Variants in GTF3C1 observed in about 807,000 individuals in gnomAD.
The protein encoded by GTF3C1 is general transcription factor 3C polypeptide 1.
In GTF3C1, 57 loss-of-function variants were observed where a neutral mutation model predicts 226.7. That is an observed-to-expected ratio of 0.25 (90% confidence interval 0.20 to 0.31). The LOEUF is 0.31. Among genes scored for constraint, GTF3C1 ranks in the 10% least tolerant of loss-of-function variants. The pLI, the probability that GTF3C1 is intolerant of heterozygous loss-of-function variation, is 1.00. For missense variants in GTF3C1, 2,217 were observed against 2,776.1 expected (o/e 0.80, Z 4.53); for synonymous variants, 1,090 against 1,084.8 (o/e 1.00, Z -0.09).
intron 11 of GTF3C1, among the ~76,000 whole-genome samples, chr16:27,501,706 C>A (rs1435076838): frequency 6.6e-6 from 1 of 152,200 alleles, no homozygotes; most frequent in Admixed American, 6.5e-5. Flanking sequence ...TCTGGTTTAT[C>A]ACTAGCCCCT....
rs781025231 is a variant in GTF3C1, at chr16:27,488,308, G to A, written c.3619C>T (p.Arg1207Trp). Residue 1207 changes from arginine (R) to tryptophan (W), a missense_variant, in exon 23 of 37, where the codon CGG becomes TGG. Arg to Trp is a moderately radical substitution (Grantham distance 101). Coordinates refer to ENST00000356183, the MANE Select transcript of GTF3C1 (RefSeq NM_001520.4). Reference sequence around the variant, plus strand: ...TGGCTTTTCCCACCCCTCACTCTCCGGTTTCGGTCCAGCGAGGGCTCTCGG... The same window carrying A: ...TGGCTTTTCCCACCCCTCACTCTCCAGTTTCGGTCCAGCGAGGGCTCTCGG... ...VDREPSLDRN[R>W]RVRGGKSQKR... The A allele has an allele frequency of 3.7e-5, 59 of 1,614,018 alleles. 1 individual carries two copies. The Admixed American group carries it at 7.3e-4, about 20-fold the overall frequency.
Position 27,470,139 on chromosome 16 carries a change from T to C in GTF3C1, c.4783A>G (p.Ser1595Gly). 1.2e-6 allele frequency: 2 copies of C among 1,614,058 alleles called. No homozygotes were observed. The highest frequency in any genetic ancestry group is 2.2e-5 in the South Asian group (2 of 91,070). Residue 1595 changes from serine to glycine, a missense_variant, in exon 31 of 37, where the codon AGC becomes GGC. By Grantham distance (56) the Ser-to-Gly change is moderately conservative. This residue lies in a region of GTF3C1 where 546 missense variants were observed against 663.0 expected (regional missense o/e 0.82). Transcript: ENST00000356183. The surrounding 1 kb of genome is among the most constrained non-coding windows in gnomAD (Gnocchi z 4.9). Reference protein sequence around the residue: ...RIPEQIIVVDSSMVENEVIKS... With the variant: ...RIPEQIIVVDGSMVENEVIKS... ...ATGACCTCATTCTCCACCATTGAGCTGTCTACCACGATGATCTGCTCCGGG... is the reference window on the plus strand; with the variant it reads ...ATGACCTCATTCTCCACCATTGAGCCGTCTACCACGATGATCTGCTCCGGG...
At position 27,491,093 on chromosome 16, in the gene GTF3C1, G is replaced by T. The variant is rs1300398071; in HGVS notation, c.3151+1245C>A. Among the ~76,000 whole-genome samples the T allele has an allele frequency of 2.6e-5, 4 of 152,214 alleles. No individual in the cohort carries two copies. The East Asian group carries it at 7.7e-4, about 29-fold the overall frequency. On this transcript the variant is annotated intron_variant, in intron 19 of 36. Transcript: ENST00000356183. ...ACTGCTGAATGCCAGAGGATTCTAT[G>T]AAACACACTGTTCTAAAATACGTCT...
rs528675446 is a variant in GTF3C1, at chr16:27,470,825, C to T, written c.4527-430G>A. On this transcript the variant is annotated intron_variant, in intron 30 of 36. Transcript: ENST00000356183. This position sits in a 1 kb window ranked among gnomAD's most constrained non-coding sequence, Gnocchi z 4.9. ...CGCAGTGCCTGGTGAGTCACTTCCC[C>T]GGCTCTGTCCAGAGAGCAACATTCC... 1.2e-3 allele frequency: 243 copies of T among 195,912 alleles called. 1 individual carries two copies. The highest frequency in any genetic ancestry group is 1.9e-3 in the Non-Finnish European group (180 of 93,786). 12.1% of individuals were successfully genotyped at this position (195,912 alleles called of 1,614,324 possible).
chr16:27,537,628 G>T (rs1433056328), intron 4 of GTF3C1, among the ~76,000 whole-genome samples, 156 bp downstream of exon 4: 1 of 152,040 alleles, frequency 6.6e-6, no homozygotes, highest in African/African-American at 2.4e-5. Context: ...GGCTGGTCTG[G>T]AACTCTTGGC....
In GTF3C1 at chr16:27,498,662, G is replaced by C. The variant is rs2088357440; in HGVS notation, c.2133C>G (p.Arg711=). ...PLVRSAIEQV[R]FRISNSSTAN... is the part of the protein sequence containing the mutation. Reference sequence around the variant, plus strand: ...CTGTGCTTGAATTGGAGATCCGGAAGCGGACCTGCTCGATGGCACTTCTCA... The same window carrying C: ...CTGTGCTTGAATTGGAGATCCGGAACCGGACCTGCTCGATGGCACTTCTCA... Residue 711 remains arginine, a synonymous_variant, in exon 13 of 37, where the codon CGC becomes CGG. Transcript: ENST00000356183. 1 of 1,603,488 alleles carries C rather than the reference G, an allele frequency of 6.2e-7. No homozygotes were observed.
intron 27 of GTF3C1, 76 bp downstream of exon 27, chr16:27,481,003 C>T: frequency 8.1e-7 from 1 of 1,229,488 alleles, no homozygotes; most frequent in Non-Finnish European, 1.2e-6. Flanking sequence ...CCCGGACCTG[C>T]TGATAAGGGA....
rs1484853378 is a variant in GTF3C1, at chr16:27,464,480, C to A, written c.5712G>T (p.Gly1904=). The stretch of plus-strand genomic sequence containing the variant: ...GTGGAGATGGGGCCTGGGCTTCTGC[C>A]CCATCTTCAGCTCCGGGCCCAAGGC... ...APSLGPGAED[G]AEAQAPSPPP... Residue 1904 remains glycine, a synonymous_variant, in exon 34 of 37, where the codon GGG becomes GGT. Transcript: ENST00000356183. 2.6e-6 allele frequency: 4 copies of A among 1,558,134 alleles called. No individual in the cohort carries two copies. The highest frequency in any genetic ancestry group is 3.5e-6 in the Non-Finnish European group (4 of 1,156,070).
chr16:27,488,451 G>A lies in GTF3C1; in HGVS notation c.3512-36C>T, dbSNP rs775214614. ...TCACAGGAGACAACAGTTTCAGGAC[G>A]AGTGCTGCAAAGGCCAGGAAGACCA... On this transcript the variant is annotated intron_variant, in intron 22 of 36. Transcript: ENST00000356183. The A allele has an allele frequency of 5.1e-6, 8 of 1,574,386 alleles. No homozygotes were observed. The South Asian group carries it at 5.5e-5, about 11-fold the overall frequency.
chr16:27,463,822 C>G lies in GTF3C1; in HGVS notation c.5873-230G>C. ...ATGCAAGCAGCGTCCCAGGCCCGGA[C>G]AAGCCCCACATTGCAGGAAGCCAGC... On this transcript the variant is annotated intron_variant, in intron 34 of 36. Transcript: ENST00000356183. The surrounding 1 kb of genome is among the most constrained non-coding windows in gnomAD (Gnocchi z 4.9). 2 of 550,586 alleles carry G rather than the reference C, an allele frequency of 3.6e-6. No homozygotes were observed. The highest frequency in any genetic ancestry group is 4.7e-5 in the South Asian group (2 of 42,502). The allele number at this position is 550,586 out of a possible 1,614,324, so 34.1% of individuals were successfully genotyped here.
intron 11 of GTF3C1, among the ~76,000 whole-genome samples, chr16:27,502,026 C>CA (rs1390014777): frequency 6.6e-6 from 1 of 151,494 alleles, no homozygotes; most frequent in Non-Finnish European, 1.5e-5. Flanking sequence ...ACCCAGGAGG[C>CA]AGACGTTGCA....
chr16:27,511,931 A>G (rs77066366), intron 6 of GTF3C1, 30 bp from the exon 7 acceptor site: 2 of 1,612,376 alleles, frequency 1.2e-6, no homozygotes, highest in African/African-American at 2.7e-5. Context: ...TTTGCCAGCA[A>G]TGAGTGAAAG....
Position 27,538,224 on chromosome 16 carries a change from C to T in GTF3C1, c.564G>A (p.Arg188=), listed in dbSNP as rs754676670. The change falls in exon 3 of 37, where the codon AGG becomes AGA. Residue 188 remains arginine, a synonymous_variant. Coordinates refer to ENST00000356183, the MANE Select transcript of GTF3C1 (RefSeq NM_001520.4). ...GGTCTCGCTGGAGCTCCCCTTGCCA[C>T]CTGGACCGGCCTAGCCGTTCCAGGA... The part of the protein sequence containing the change: ...YCILERLGRS[R]WQGELQRDLH... The T allele has an allele frequency of 6.2e-7, 1 of 1,600,702 alleles. No homozygotes were observed. Among genetic ancestry groups the T allele is most frequent in the African/African-American group, 1.4e-5 (1 of 74,042 alleles).
intron 21 of GTF3C1, 126 bp downstream of exon 21, chr16:27,488,917 T>A: frequency 1.1e-6 from 1 of 872,538 alleles, no homozygotes; most frequent in Non-Finnish European, 1.9e-6. Context: ...GGCACACATT[T>A]AAGGGGCCTG....
intron 19 of GTF3C1, among the ~76,000 whole-genome samples, chr16:27,490,700 C>G (rs910080314): frequency 6.6e-6 from 1 of 152,214 alleles, no homozygotes; most frequent in Non-Finnish European, 1.5e-5. Flanking sequence ...AAAATGCAGA[C>G]TCTCCAGGTA....
chr16:27,487,550 A>G (rs974351285), intron 23 of GTF3C1, among the ~76,000 whole-genome samples: 12 of 152,238 alleles, frequency 7.9e-5, no homozygotes, highest in African/African-American at 2.9e-4. Flanking sequence ...TTAAAAATGC[A>G]ACATGGGACC....
rs1307932608 is a variant in GTF3C1, at chr16:27,488,556, C to T, written c.3509G>A (p.Arg1170Lys). 1 of 1,613,434 alleles carries T rather than the reference C, an allele frequency of 6.2e-7. No homozygotes were observed. The highest frequency in any genetic ancestry group is 8.5e-7 in the Non-Finnish European group (1 of 1,179,336). Residue 1170 changes from arginine to lysine, a missense_variant and splice_region_variant, in exon 22 of 37, where the codon AGA becomes AAA. Arg to Lys is a conservative substitution (Grantham distance 26). Transcript: ENST00000356183. ...LSKRPMPLSA[R>K]GNSRLNIWGE... is the part of the protein sequence containing the mutation. ...GGGTGAACTCCCAGCACACGTACCTCTGGCACTGAGGGGCATTGGGCGCTT... is the reference window on the plus strand; with the variant it reads ...GGGTGAACTCCCAGCACACGTACCTTTGGCACTGAGGGGCATTGGGCGCTT...
intron 28 of GTF3C1, among the ~76,000 whole-genome samples, chr16:27,477,930 G>A (rs2087978088): frequency 6.6e-6 from 1 of 152,248 alleles, no homozygotes; most frequent in Non-Finnish European, 1.5e-5. Flanking sequence ...AGCACTTTGA[G>A]AGACCAAGGT....
intron 6 of GTF3C1, among the ~76,000 whole-genome samples, chr16:27,523,882 G>C (rs1028183989): frequency 9.2e-5 from 14 of 152,270 alleles, no homozygotes; most frequent in African/African-American, 3.4e-4. Flanking sequence ...AATCAGAATG[G>C]CTCCTTGTGC....
Sources: allele counts gnomAD v4.1 joint callset (sites outside exome capture counted in the v4.1 genomes callset), GRCh38; gene constraint gnomAD v4.1.1; regional missense constraint gnomAD v4.1.1; non-coding constraint Gnocchi (gnomAD v3.1); transcripts MANE v1.5; gene names NCBI Gene and HGNC (gene_info 2026-07-23, HGNC 2026-07-21).